CAPN8: variants seen among roughly 807,000 people sequenced by gnomAD.
CAPN8 encodes the protein calpain-8.
A neutral mutation model predicts 80.9 loss-of-function variants in CAPN8; 87 were observed. That is an observed-to-expected ratio of 1.07 (90% CI 0.90 to 1.28). CAPN8 has a LOEUF of 1.28. CAPN8 is among the 50% of genes most tolerant of loss of function. The pLI is 0.00. For synonymous variants in CAPN8, 299 were observed against 273.8 expected (o/e 1.09, Z -0.91); for missense variants, 757 against 702.0 (o/e 1.08, Z -0.89).
intron 13 of CAPN8, 117 bp from the exon 14 acceptor site, chr1:223,554,017 G>C: frequency 2.5e-6 from 1 of 395,284 alleles, no homozygotes. Flanking sequence ...CTATGTGCCA[G>C]GCTTTGGGCT....
At chr1:223,544,276 T>C (rs1205835945) in intron 18 of CAPN8, 93 bp from the exon 19 acceptor site, 3 of 671,240 alleles carry the variant, frequency 4.5e-6, no homozygotes, top group Non-Finnish European at 8.2e-6. Context: ...CAGGGGCCCC[T>C]CTGTGGTTCT....
intron 2 of CAPN8, among the ~76,000 whole-genome samples, chr1:223,631,221 C>G (rs1423551834): frequency 6.6e-6 from 1 of 152,104 alleles, no homozygotes; most frequent in Non-Finnish European, 1.5e-5. Flanking sequence ...GAAGCTTTCT[C>G]TGATACCGCC....
chr1:223,643,976 C>T (rs1658116576), intron 2 of CAPN8: 1 of 180,986 alleles, frequency 5.5e-6, no homozygotes, highest in South Asian at 1.2e-4. Flanking sequence ...ACAAACAATC[C>T]CACAGTACTT....
intron 13 of CAPN8, among the ~76,000 whole-genome samples, chr1:223,556,398 G>A (rs894682614): frequency 6.6e-6 from 1 of 152,144 alleles, no homozygotes; most frequent in Non-Finnish European, 1.5e-5. Flanking sequence ...AAAGTTTACA[G>A]GATCTTGGGG....
intron 2 of CAPN8, among the ~76,000 whole-genome samples, chr1:223,637,927 C>T (rs989514232): frequency 2.0e-5 from 3 of 152,164 alleles, no homozygotes; most frequent in Non-Finnish European, 2.9e-5. Context: ...GTTTGGACCT[C>T]ACAGTTTATT....
Position 223,665,413 on chromosome 1 carries a change from G to A in CAPN8, c.234C>T (p.Pro78=). Residue 78 remains proline, a synonymous_variant, in exon 1 of 21, where the codon CCC becomes CCT. Transcript: ENST00000366872. ...AACAGCAAGCCCGCTTCCTTACCGT[G>A]GGCCGCTTCCAGATGATGCCTTGAG... The part of the protein sequence containing the change: ...PQTQGIIWKR[P]TELCPSPQFI... 1 of 1,550,558 alleles carries A rather than the reference G, an allele frequency of 6.4e-7. No individual in the cohort carries two copies. The highest frequency in any genetic ancestry group is 1.7e-4 in the Middle Eastern group (1 of 5,988).
chr1:223,656,373 G>T (rs997720044), intron 1 of CAPN8, among the ~76,000 whole-genome samples: 1 of 151,986 alleles, frequency 6.6e-6, no homozygotes, highest in African/African-American at 2.4e-5. Context: ...GGAGGCTGAG[G>T]CAGGAGAACC....
intron 10 of CAPN8, among the ~76,000 whole-genome samples, chr1:223,614,579 TCTC>T (rs750538899): frequency 1.3e-5 from 2 of 152,082 alleles, no homozygotes; most frequent in African/African-American, 2.4e-5. Flanking sequence ...CTCATCAAAA[TCTC>T]CTCCTCGATG....
At chr1:223,624,924 C>A (rs1657518872) in intron 6 of CAPN8, among the ~76,000 whole-genome samples, 1 of 151,684 alleles carries the variant, frequency 6.6e-6, no homozygotes, top group Non-Finnish European at 1.5e-5. Context: ...GAAACCCCGT[C>A]TCTACTAAAA....
intron 1 of CAPN8, among the ~76,000 whole-genome samples, chr1:223,663,364 T>C (rs929713227): frequency 6.6e-6 from 1 of 152,184 alleles, no homozygotes; most frequent in East Asian, 1.9e-4. Flanking sequence ...CCCAAGACCC[T>C]TGGGATCTGC....
Position 223,555,474 on chromosome 1 carries a change from A to AGATT in CAPN8, c.1573-1578_1573-1575dup, listed in dbSNP as rs1319460558. On this transcript the variant is annotated intron_variant, in intron 13 of 20. Transcript: ENST00000366872. ...GATATGCTAATCTAAAAATACATCT[A>AGATT]GATTTTTAGAAGAAAAAATGATAAA... Among the ~76,000 whole-genome samples, 6 of 152,384 alleles carry AGATT rather than the reference A, an allele frequency of 3.9e-5. No individual in the cohort carries two copies. In the East Asian group the frequency reaches 1.2e-3, roughly 29 times the overall value.
intron 9 of CAPN8, 66 bp downstream of exon 9, chr1:223,619,227 A>G: frequency 6.6e-7 from 1 of 1,522,456 alleles, no homozygotes; most frequent in Middle Eastern, 2.1e-4. Flanking sequence ...AAAAAATTAC[A>G]TAAAATGACC....
intron 10 of CAPN8, among the ~76,000 whole-genome samples, chr1:223,612,775 G>A (rs1657065038): frequency 6.6e-6 from 1 of 152,160 alleles, no homozygotes; most frequent in Non-Finnish European, 1.5e-5. Flanking sequence ...ACTAACAGAA[G>A]GGACTCCTTT....
intron 2 of CAPN8, 92 bp downstream of exon 2, chr1:223,654,238 G>T (rs1013199135): frequency 1.8e-6 from 2 of 1,102,314 alleles, no homozygotes; most frequent in Non-Finnish European, 1.3e-6. Flanking sequence ...TAATTCACTC[G>T]GTGAAGTCTC....
At chr1:223,612,122 A>G in intron 11 of CAPN8, 124 bp downstream of exon 11, 1 of 791,290 alleles carries the variant, frequency 1.3e-6, no homozygotes, top group Non-Finnish European at 1.7e-6. Flanking sequence ...TCATGACTGG[A>G]TCATGTGAGA....
chr1:223,626,989 A>G lies in CAPN8; in HGVS notation c.729T>C (p.Asp243=). 1 of 1,551,310 alleles carries G rather than the reference A, an allele frequency of 6.4e-7. No individual in the cohort carries two copies. The highest frequency in any genetic ancestry group is 8.7e-7 in the Non-Finnish European group (1 of 1,146,692). The part of the protein sequence containing the change: ...CAGSLLGCSI[D]VSSAAEAEAI... The stretch of plus-strand genomic sequence containing the variant: ...GCAGTAGAGAAGCCATATGCCTCAC[A>G]TCAATGGAGCAGCCCAGCAGAGACC... Residue 243 remains aspartate, a splice_region_variant and synonymous_variant, in exon 5 of 21, where the codon GAT becomes GAC. Coordinates refer to ENST00000366872, the MANE Select transcript of CAPN8 (RefSeq NM_001143962.2).
At position 223,628,707 on chromosome 1, in the gene CAPN8, C is replaced by A; in HGVS notation, c.381G>T (p.Arg127Ser). The A allele has an allele frequency of 6.4e-7, 1 of 1,551,830 alleles. No homozygotes were observed. Among genetic ancestry groups the A allele is most frequent in the Non-Finnish European group, 8.7e-7 (1 of 1,147,058 alleles). Residue 127 changes from arginine (R) to serine (S), a missense_variant, in exon 3 of 21, where the codon AGG becomes AGT. Physicochemically the swap from Arg to Ser is moderately radical, Grantham distance 110. Coordinates refer to ENST00000366872, the MANE Select transcript of CAPN8 (RefSeq NM_001143962.2). ...NEELLYRVVP[R>S]DQDFQENYAG... ...CATAGTTCTCCTGGAAGTCCTGGTC[C>A]CTGGGGACCACCCGGTAAAGCAGCT...
At chr1:223,655,415 C>A (rs1260826326) in intron 1 of CAPN8, among the ~76,000 whole-genome samples, 1 of 152,200 alleles carries the variant, frequency 6.6e-6, no homozygotes, top group Non-Finnish European at 1.5e-5. Context: ...GTCATGCTTT[C>A]TTTGTTTACC....
In CAPN8 at chr1:223,665,690, G is replaced by A. The variant is rs373335639; in HGVS notation, c.-44C>T. ...GTGGACAGAAGGGCAGGGCTGCACT[G>A]TACTCTCAGACACCTGCTCCACTGG... On this transcript the variant is annotated 5_prime_UTR_variant, in exon 1 of 21. Transcript: ENST00000366872. 2.7e-6 allele frequency: 4 copies of A among 1,467,420 alleles called. No individual in the cohort carries two copies. Among genetic ancestry groups the A allele is most frequent in the African/African-American group, 2.8e-5 (2 of 71,414 alleles). 90.9% of individuals were successfully genotyped at this position (1,467,420 alleles called of 1,614,324 possible).
Sources: allele counts gnomAD v4.1 joint callset (sites outside exome capture counted in the v4.1 genomes callset), GRCh38; gene constraint gnomAD v4.1.1; transcripts MANE v1.5; gene names NCBI Gene and HGNC (gene_info 2026-07-23, HGNC 2026-07-21).